The following MAPK9 variants were observed in gnomAD, a reference collection of about 807,000 sequenced individuals.
The protein encoded by MAPK9 is mitogen-activated protein kinase 9, also known as Jun kinase.
In MAPK9, 30 loss-of-function variants were observed where a neutral mutation model predicts 57.1. That is an observed-to-expected ratio of 0.53 (90% CI 0.39 to 0.71). The LOEUF is 0.71. MAPK9 is among the 30% of genes least tolerant of loss of function. The pLI, the probability that MAPK9 is intolerant of heterozygous loss-of-function variation, is 0.00. For missense variants in MAPK9, 362 were observed against 521.0 expected (o/e 0.69, Z 2.97); for synonymous variants, 155 against 177.0 (o/e 0.88, Z 0.99).
intron 11 of MAPK9, 161 bp downstream of exon 11, chr5:180,238,171 G>A (rs1037634983): frequency 2.4e-5 from 12 of 501,436 alleles, no homozygotes; most frequent in African/African-American, 9.9e-5. Flanking sequence ...TCGGGAGGCT[G>A]AGGCAGGAGA....
At position 180,248,958 on chromosome 5, in the gene MAPK9, C is replaced by T; in HGVS notation, c.616+15G>A. On this transcript the variant is annotated intron_variant, in intron 6 of 11. Coordinates refer to ENST00000452135, the MANE Select transcript of MAPK9 (RefSeq NM_002752.5). ...TCTAAACATCCCAGCCTCTTCCAGC[C>T]CCGGCTATACTCACCGTTCTCTTTG... 1 of 1,580,560 alleles carries T rather than the reference C, an allele frequency of 6.3e-7. No homozygotes were observed. The highest frequency in any genetic ancestry group is 8.6e-7 in the Non-Finnish European group (1 of 1,163,258).
Position 180,247,511 on chromosome 5 carries a change from C to T in MAPK9, c.617-1G>A, listed in dbSNP as rs1434758077. 6.2e-7 allele frequency: 1 copy of T among 1,612,768 alleles called. No individual in the cohort carries two copies. The highest frequency in any genetic ancestry group is 8.5e-7 in the Non-Finnish European group (1 of 1,179,126). On this transcript the variant is annotated splice_acceptor_variant, in intron 6 of 11. Transcript: ENST00000452135. LOFTEE classifies it high-confidence loss of function. This position sits in a 1 kb window ranked among gnomAD's most constrained non-coding sequence, Gnocchi z 4.5. Reference sequence around the variant, plus strand: ...ATGCAACCCACTGACCAGATATCAACTGAAAATAAAATGAAATGATAAAAT... The same window carrying T: ...ATGCAACCCACTGACCAGATATCAATTGAAAATAAAATGAAATGATAAAAT...
At chr5:180,254,731 G>A (rs1759085064) in intron 5 of MAPK9, among the ~76,000 whole-genome samples, 1 of 152,070 alleles carries the variant, frequency 6.6e-6, no homozygotes. Flanking sequence ...CAAAACCACA[G>A]CACTTAAAAA....
intron 2 of MAPK9, chr5:180,279,831 T>C (rs1300808008): frequency 2.2e-6 from 1 of 456,376 alleles, no homozygotes; most frequent in African/African-American, 2.0e-5. Context: ...CGGCTGACCG[T>C]CTTACCATGC....
intron 4 of MAPK9, 67 bp from the exon 5 acceptor site, chr5:180,261,889 G>C: frequency 1.4e-6 from 2 of 1,380,802 alleles, no homozygotes; most frequent in South Asian, 1.4e-5. Context: ...TAAATTTCAT[G>C]AAACTGTAAC....
intron 7 of MAPK9, among the ~76,000 whole-genome samples, chr5:180,243,274 T>C (rs1395158393): frequency 6.6e-6 from 1 of 152,182 alleles, no homozygotes. Context: ...TGCTCTATTT[T>C]ACTTGGAACT....
chr5:180,284,660 G>A (rs562040166), intron 1 of MAPK9, among the ~76,000 whole-genome samples: 1 of 152,164 alleles, frequency 6.6e-6, no homozygotes, highest in African/African-American at 2.4e-5. Context: ...TGACAAATAC[G>A]TGTACAAGTA....
chr5:180,289,915 G>A (rs946661685), intron 1 of MAPK9, among the ~76,000 whole-genome samples: 5 of 152,224 alleles, frequency 3.3e-5, no homozygotes, highest in African/African-American at 1.2e-4. Flanking sequence ...GAGCACAGTG[G>A]TGTGATCATA....
At chr5:180,264,007 A>G (rs1023579874) in intron 4 of MAPK9, among the ~76,000 whole-genome samples, 5 of 152,014 alleles carry the variant, frequency 3.3e-5, no homozygotes, top group Non-Finnish European at 1.5e-5. Flanking sequence ...ACCCGGCCAG[A>G]CCAACTTCTT....
At chr5:180,236,727 A>G (rs1294328793) in intron 11 of MAPK9, 2 of 456,204 alleles carry the variant, frequency 4.4e-6, no homozygotes, top group Non-Finnish European at 7.7e-6. Context: ...CCATATTCCT[A>G]TGTCTTTCCT....
At chr5:180,243,964 C>T (rs531043376) in intron 7 of MAPK9, among the ~76,000 whole-genome samples, 17 of 152,156 alleles carry the variant, frequency 1.1e-4, no homozygotes, top group Non-Finnish European at 2.5e-4. Flanking sequence ...TCTCGTGCCT[C>T]AGCCTCCCAA....
intron 2 of MAPK9, among the ~76,000 whole-genome samples, chr5:180,272,202 T>C (rs1761396162): frequency 6.6e-6 from 1 of 152,244 alleles, no homozygotes; most frequent in Non-Finnish European, 1.5e-5. Flanking sequence ...TACGCTCTTG[T>C]GTTGCCTCTC....
rs929115373 is a variant in MAPK9 at position 180,247,103 on chromosome 5, A to G, written c.688+336T>C. On this transcript the variant is annotated intron_variant, in intron 7 of 11. Transcript: ENST00000452135. This position sits in a 1 kb window ranked among gnomAD's most constrained non-coding sequence, Gnocchi z 4.5. ...AAATTAACGGAATAAACTAAATAATACAGTATTTTCATTTAAATATCAGAA... is the reference window on the plus strand; with the variant it reads ...AAATTAACGGAATAAACTAAATAATGCAGTATTTTCATTTAAATATCAGAA... 4 of 323,800 alleles carry G rather than the reference A, an allele frequency of 1.2e-5. No homozygotes were observed. The highest frequency in any genetic ancestry group is 8.9e-4 in the Middle Eastern group (1 of 1,118). 20.1% of individuals were successfully genotyped at this position (323,800 alleles called of 1,614,324 possible).
rs79611879 is a variant in MAPK9, at chr5:180,251,927, C to T, written c.451-2789G>A. ...GGAAGGAGCACATCATGACAGGTGT[C>T]CACTGTCTGGCCTTGCCGGTCCTTC... On this transcript the variant is annotated intron_variant, in intron 5 of 11. Transcript: ENST00000452135. Among the ~76,000 whole-genome samples, 69 of 152,312 alleles carry T rather than the reference C, an allele frequency of 4.5e-4. No individual in the cohort carries two copies. The East Asian group carries it at 0.012, about 26-fold the overall frequency.
chr5:180,236,473 T>C lies in MAPK9; in HGVS notation c.1186A>G (p.Ile396Val), dbSNP rs1429226811. ...GTCTGCTCAGTGGACATGGATGAAA[T>C]GTCATTGATCGATGAAGACTGAGAA... ...TPSQSSSIND[I>V]SSMSTEQTLA... is the part of the protein sequence containing the mutation. Residue 396 changes from isoleucine (I) to valine (V), a missense_variant, in exon 12 of 12, where the codon ATT (isoleucine) becomes GTT (valine). Around this residue, in one of 3 missense-constraint regions of MAPK9, gnomAD observed 199 missense variants for 251.3 expected, o/e 0.79. Transcript: ENST00000452135. 23 of 1,613,968 alleles carry C rather than the reference T, an allele frequency of 1.4e-5. No homozygotes were observed. The highest frequency in any genetic ancestry group is 1.9e-5 in the Non-Finnish European group (23 of 1,179,978).
chr5:180,254,907 G>A (rs1395900216), intron 5 of MAPK9, among the ~76,000 whole-genome samples: 1 of 152,272 alleles, frequency 6.6e-6, no homozygotes, highest in Non-Finnish European at 1.5e-5. Context: ...GGTGGCGGAC[G>A]CCTGCAGTCC....
chr5:180,236,280 C>A lies in MAPK9; in HGVS notation c.*104G>T. The A allele has an allele frequency of 7.8e-7, 1 of 1,277,050 alleles. No homozygotes were observed. Among genetic ancestry groups the A allele is most frequent in the East Asian group, 2.5e-5 (1 of 39,892 alleles). The allele number at this position is 1,277,050 out of a possible 1,614,324, so 79.1% of individuals were successfully genotyped here. A position where few individuals can be genotyped will look rare whatever the true frequency, so the allele number is the denominator to read the frequency against. ...GGCAAGGCATTGTGTTTCTTACATG[C>A]AGAACATGGAGTTTTTCTATTTGGT... On this transcript the variant is annotated 3_prime_UTR_variant, in exon 12 of 12. Coordinates refer to ENST00000452135, the MANE Select transcript of MAPK9 (RefSeq NM_002752.5).
rs750145718 is a variant in MAPK9 at position 180,247,427 on chromosome 5, G to A, written c.688+12C>T. The A allele has an allele frequency of 2.4e-5, 38 of 1,614,054 alleles. No homozygotes were observed. The highest frequency in any genetic ancestry group is 5.5e-5 in the South Asian group (5 of 91,090). ...GAAAGCATGGCGGGGCCAAGGTCGC[G>A]GGGAAGGATACGGTCAGTGCCTTGG... is the stretch of plus-strand genomic sequence containing the variant. On this transcript the variant is annotated intron_variant, in intron 7 of 11. Coordinates refer to ENST00000452135, the MANE Select transcript of MAPK9 (RefSeq NM_002752.5). This position sits in a 1 kb window ranked among gnomAD's most constrained non-coding sequence, Gnocchi z 4.5.
chr5:180,265,214 CT>C (rs1760402562), intron 3 of MAPK9, among the ~76,000 whole-genome samples: 1 of 152,170 alleles, frequency 6.6e-6, no homozygotes, highest in Non-Finnish European at 1.5e-5. Flanking sequence ...AGGCTAAGCT[CT>C]TGTTTTTGGT....
Sources: allele counts gnomAD v4.1 joint callset (sites outside exome capture counted in the v4.1 genomes callset), GRCh38; gene constraint gnomAD v4.1.1; regional missense constraint gnomAD v4.1.1; non-coding constraint Gnocchi (gnomAD v3.1); transcripts MANE v1.5; gene names NCBI Gene and HGNC (gene_info 2026-07-23, HGNC 2026-07-21).